Variants in TRIOBP observed in about 807,000 individuals in gnomAD.
TRIOBP encodes the protein TRIO and F-actin binding protein, also known as TRIO and F-actin-binding protein.
TRIOBP carries 169 observed loss-of-function variants against 238.8 expected under a neutral mutation model. The ratio of observed to expected loss-of-function variants is 0.71; its 90% CI spans 0.62 to 0.80. The LOEUF (loss-of-function observed/expected upper bound fraction) is 0.80. TRIOBP is among the 30% of genes least tolerant of loss of function. The probability of loss-of-function intolerance (pLI) is 0.00; values close to 1 mark genes in which losing one functional copy is unlikely to be tolerated. For missense variants in TRIOBP, 2,838 were observed against 3,122.6 expected, an observed-to-expected ratio of 0.91 and a Z score of 2.17; for synonymous variants, 1,150 against 1,274.4, an observed-to-expected ratio of 0.90 and a Z score of 2.08.
At chr22:37,705,155 A>T (rs1922867468) in intron 3 of TRIOBP, among the ~76,000 whole-genome samples, 1 of 152,098 alleles carries the variant, frequency 6.6e-6, no homozygotes, top group Non-Finnish European at 1.5e-5. Flanking sequence ...CGGGTGGATC[A>T]CCTGAGGTCA....
intron 6 of TRIOBP, among the ~76,000 whole-genome samples, chr22:37,721,260 G>A (rs1923814811): frequency 6.6e-6 from 1 of 152,048 alleles, no homozygotes; most frequent in Non-Finnish European, 1.5e-5. Context: ...TGATCCACCC[G>A]CCTTGGCCTC....
rs759161216 is a variant in TRIOBP, at chr22:37,715,794, A to C, written c.488A>C (p.Glu163Ala). The change falls in exon 6 of 24, where the codon GAG (glutamate) becomes GCG (alanine). Residue 163 changes from glutamate to alanine, a missense_variant. Glu to Ala is a moderately radical substitution (Grantham distance 107). This residue lies in a region of TRIOBP where 535 missense variants were observed against 537.3 expected (regional missense o/e 1.00). Coordinates refer to ENST00000644935, the MANE Select transcript of TRIOBP (RefSeq NM_001039141.3). ...DWDTVERQEE[E>A]APSWDELAVM... ...GACACTGTTGAGAGGCAGGAGGAGG[A>C]GGCCCCCAGCTGGGACGAGCTCGCA... 91 of 1,613,834 alleles carry C rather than the reference A, an allele frequency of 5.6e-5. No homozygotes were observed. Among genetic ancestry groups the C allele is most frequent in the South Asian group, 5.6e-4 (51 of 91,066 alleles).
chr22:37,734,607 T>G lies in TRIOBP; in HGVS notation c.4271T>G (p.Leu1424Arg). The stretch of plus-strand genomic sequence containing the variant: ...GGCCAAGCAGGCCCAAGACAGCCTC[T>G]GGGGGTGTGGCAGAGTCAGGAGGAA... ...ESGQAGPRQP[L>R]GVWQSQEEPP... The change falls in exon 9 of 24, where the codon CTG (leucine) becomes CGG (arginine). Residue 1424 changes from leucine to arginine, a missense_variant. Coordinates refer to ENST00000644935, the MANE Select transcript of TRIOBP (RefSeq NM_001039141.3). 1 of 1,581,966 alleles carries G rather than the reference T, an allele frequency of 6.3e-7. No homozygotes were observed.
At chr22:37,759,845 C>A in intron 17 of TRIOBP, 1 of 1,117,196 alleles carries the variant, frequency 9.0e-7, no homozygotes, top group Non-Finnish European at 1.2e-6. Flanking sequence ...AACTAACTCT[C>A]TAGAAAAAAC....
Position 37,735,427 on chromosome 22 carries a change from C to A in TRIOBP, c.5091C>A (p.Ser1697Arg). ...GCAGGAGCACTGCGAAGGGCCCCAG[C>A]TTGCCAGAGCTGCAGGTAAGGAGGT... ...LGSRSTAKGP[S>R]LPELQFQPEE... Residue 1697 changes from serine to arginine, a missense_variant, in exon 9 of 24, where the codon AGC becomes AGA. Physicochemically the swap from Ser to Arg is moderately radical, Grantham distance 110. Around this residue, in one of 5 missense-constraint regions of TRIOBP, gnomAD observed 2,096 missense variants for 2,137.4 expected, o/e 0.98. Coordinates refer to ENST00000644935, the MANE Select transcript of TRIOBP (RefSeq NM_001039141.3). 6.4e-7 allele frequency: 1 copy of A among 1,568,320 alleles called. No individual in the cohort carries two copies. The highest frequency in any genetic ancestry group is 2.4e-5 in the East Asian group (1 of 41,998).
chr22:37,712,571 G>A (rs541618354), intron 4 of TRIOBP, among the ~76,000 whole-genome samples: 1 of 151,998 alleles, frequency 6.6e-6, no homozygotes, highest in African/African-American at 2.4e-5. Flanking sequence ...CTGACCTCAG[G>A]TGATCCACCC....
At chr22:37,763,234 G>A (rs1926327480) in intron 17 of TRIOBP, among the ~76,000 whole-genome samples, 2 of 152,228 alleles carry the variant, frequency 1.3e-5, no homozygotes, top group African/African-American at 4.8e-5. Context: ...TGCCCAGGGA[G>A]CCTCGGGGGC....
intron 3 of TRIOBP, among the ~76,000 whole-genome samples, chr22:37,709,423 GA>G (rs1189185856): frequency 2.0e-5 from 3 of 152,218 alleles, no homozygotes; most frequent in Non-Finnish European, 4.4e-5. Context: ...CCCTGCTCCC[GA>G]AGCCGGCCCC....
At position 37,734,761 on chromosome 22, in the gene TRIOBP, AGCATGGGGGG is replaced by A. The variant is rs745966722; in HGVS notation, c.4429_4438del (p.Trp1477LeufsTer27). The A allele has an allele frequency of 6.2e-7, 1 of 1,611,972 alleles. No homozygotes were observed. On this transcript the variant is annotated frameshift_variant, in exon 9 of 24. Coordinates refer to ENST00000644935, the MANE Select transcript of TRIOBP (RefSeq NM_001039141.3). LOFTEE classifies it high-confidence loss of function. ...TGGGGGCAGCCAAAGCCCCGGAGGG[AGCATGGGGGG>A]GCACTTCCAGGGAGTACAAGGAGAG... is the stretch of plus-strand genomic sequence containing the variant.
chr22:37,762,338 G>T (rs1336466797), intron 17 of TRIOBP, among the ~76,000 whole-genome samples: 1 of 152,166 alleles, frequency 6.6e-6, no homozygotes. Context: ...AGTGCTGGGG[G>T]TACAAGTGTG....
chr22:37,756,543 A>G (rs1310567569), intron 15 of TRIOBP, among the ~76,000 whole-genome samples: 1 of 152,186 alleles, frequency 6.6e-6, no homozygotes, highest in East Asian at 1.9e-4. Flanking sequence ...TTGGACTGTT[A>G]TTTAGCATCT....
chr22:37,768,191 G>T lies in TRIOBP; in HGVS notation c.6575+15G>T. The T allele has an allele frequency of 6.3e-7, 1 of 1,598,836 alleles. No individual in the cohort carries two copies. Among genetic ancestry groups the T allele is most frequent in the East Asian group, 2.3e-5 (1 of 44,422 alleles). ...AAGCAGCACCAGTAAGATGATGCCG[G>T]GGCCCAACTGCCCACCCTGATGGTT... is the stretch of plus-strand genomic sequence containing the variant. On this transcript the variant is annotated intron_variant, in intron 19 of 23. Transcript: ENST00000644935.
chr22:37,731,946 C>T (rs1485966418), intron 7 of TRIOBP, among the ~76,000 whole-genome samples: 1 of 152,184 alleles, frequency 6.6e-6, no homozygotes, highest in Non-Finnish European at 1.5e-5. Context: ...ACAGGCCCAC[C>T]ACAGACAGCA....
intron 15 of TRIOBP, among the ~76,000 whole-genome samples, chr22:37,756,695 C>T (rs1925938097): frequency 6.6e-6 from 1 of 152,238 alleles, no homozygotes; most frequent in Non-Finnish European, 1.5e-5. Flanking sequence ...AGCCACCTGC[C>T]ACACCCACTC....
chr22:37,725,535 A>G lies in TRIOBP; in HGVS notation c.2979A>G (p.Ser993=). 1 of 1,612,944 alleles carries G rather than the reference A, an allele frequency of 6.2e-7. No homozygotes were observed. Among genetic ancestry groups the G allele is most frequent in the Middle Eastern group, 1.6e-4 (1 of 6,062 alleles). ...PGHQSTSRTS[S]PVYPAAYGAP... The stretch of plus-strand genomic sequence containing the variant: ...ACCAGAGCACCTCCCGAACTTCCTC[A>G]CCTGTGTACCCCGCTGCCTATGGGG... The change falls in exon 7 of 24, where the codon TCA becomes TCG. Residue 993 remains serine (S), a synonymous_variant. Coordinates refer to ENST00000644935, the MANE Select transcript of TRIOBP (RefSeq NM_001039141.3).
At chr22:37,746,318 C>T (rs1471425471) in intron 11 of TRIOBP, 7 of 1,132,046 alleles carry the variant, frequency 6.2e-6, no homozygotes, top group African/African-American at 3.3e-5. Flanking sequence ...AGAGGGGCGG[C>T]GGCGGCGGCG....
intron 11 of TRIOBP, among the ~76,000 whole-genome samples, chr22:37,745,909 G>T (rs536345323): frequency 1.3e-5 from 2 of 152,004 alleles, no homozygotes; most frequent in African/African-American, 4.8e-5. Flanking sequence ...CCGGCCGCCC[G>T]CATCCTCCGC....
chr22:37,774,147 C>T lies in TRIOBP; in HGVS notation c.*367C>T, dbSNP rs1381754558. 1.4e-5 allele frequency: 2 copies of T among 146,732 alleles called. No individual in the cohort carries two copies. Among genetic ancestry groups the T allele is most frequent in the African/African-American group, 5.1e-5 (2 of 38,970 alleles). 9.1% of individuals were successfully genotyped at this position (146,732 alleles called of 1,614,324 possible). A position where few individuals can be genotyped will look rare whatever the true frequency, so the allele number is the denominator to read the frequency against. Reference sequence around the variant, plus strand: ...TTAAAAAAAAAAAAAAAAAGCAATTCCTGGTGGCTGTGTGCCTCCAACCCT... The same window carrying T: ...TTAAAAAAAAAAAAAAAAAGCAATTTCTGGTGGCTGTGTGCCTCCAACCCT... On this transcript the variant is annotated 3_prime_UTR_variant, in exon 24 of 24. Transcript: ENST00000644935.
rs1924043303 is a variant in TRIOBP, at chr22:37,724,866, A to G, written c.2310A>G (p.Thr770=). The G allele has an allele frequency of 6.2e-7, 1 of 1,608,810 alleles. No homozygotes were observed. Among genetic ancestry groups the G allele is most frequent in the Non-Finnish European group, 8.5e-7 (1 of 1,179,066 alleles). The change falls in exon 7 of 24, where the codon ACA becomes ACG. Residue 770 remains threonine, a synonymous_variant. Coordinates refer to ENST00000644935, the MANE Select transcript of TRIOBP (RefSeq NM_001039141.3). ...NRTIQQENLR[T]SCTRQDNPRT... is the part of the protein sequence containing the mutation. ...CCATCCAACAAGAGAACCTCAGAAC[A>G]TCCTGTACCCGACAGGACAATCCCA... is the stretch of plus-strand genomic sequence containing the variant.
Sources: gnomAD v4.1 joint callset for allele counts (sites outside exome capture counted in the v4.1 genomes callset) on GRCh38, gnomAD v4.1.1 for gene constraint, gnomAD v4.1.1 regional missense constraint, MANE v1.5 for transcripts, NCBI Gene and HGNC (gene_info 2026-07-23, HGNC 2026-07-21) for gene names.